Variants in ANKRD44 observed in about 807,000 individuals in gnomAD.
ANKRD44 encodes the protein serine/threonine-protein phosphatase 6 regulatory ankyrin repeat subunit B.
In ANKRD44, 35 loss-of-function variants were observed where a neutral mutation model predicts 116.0. That is an observed-to-expected ratio of 0.30 (90% confidence interval 0.23 to 0.40). The LOEUF (loss-of-function observed/expected upper bound fraction) is 0.40, where lower values mean the gene tolerates loss of function less well. ANKRD44 is among the 10% of genes least tolerant of loss of function. The pLI is 1.00. For synonymous variants in ANKRD44, 435 were observed against 461.8 expected, an observed-to-expected ratio of 0.94 and a Z score of 0.74; for missense variants, 1,014 against 1,242.6, an observed-to-expected ratio of 0.82 and a Z score of 2.77.
chr2:197,197,021 C>A (rs2080966362), intron 1 of ANKRD44, among the ~76,000 whole-genome samples: 1 of 151,998 alleles, frequency 6.6e-6, no homozygotes, highest in African/African-American at 2.4e-5. Flanking sequence ...GTTATAGCAA[C>A]CATTCTAAAA....
In ANKRD44 at chr2:197,212,649, G is replaced by A. The variant is rs140135690; in HGVS notation, c.28-25543C>T. On this transcript the variant is annotated intron_variant, in intron 1 of 27. Transcript: ENST00000282272. The surrounding 1 kb of genome is among the most constrained non-coding windows in gnomAD (Gnocchi z 4.8). ...TTTATAGGGAGTATTAACCAAAAAG[G>A]TTATTGCAGGCTCTCACAGAAGAAC... is the stretch of plus-strand genomic sequence containing the variant. Among the ~76,000 whole-genome samples, 3 of 152,286 alleles carry A rather than the reference G, an allele frequency of 2.0e-5. No homozygotes were observed. Among genetic ancestry groups the A allele is most frequent in the African/African-American group, 7.2e-5 (3 of 41,556 alleles).
At chr2:197,115,258 C>T (rs2078680577) in intron 8 of ANKRD44, among the ~76,000 whole-genome samples, 1 of 152,192 alleles carries the variant, frequency 6.6e-6, no homozygotes, top group Non-Finnish European at 1.5e-5. Flanking sequence ...AGCTCTATGT[C>T]TAGTGCCTTC....
At chr2:197,235,395 C>G (rs1054402944) in intron 1 of ANKRD44, among the ~76,000 whole-genome samples, 1 of 151,930 alleles carries the variant, frequency 6.6e-6, no homozygotes, top group African/African-American at 2.4e-5. Context: ...GGGGGCAGAT[C>G]ACTTGAGGCC....
chr2:197,053,699 T>A (rs187084372), intron 16 of ANKRD44, among the ~76,000 whole-genome samples: 1 of 152,208 alleles, frequency 6.6e-6, no homozygotes, highest in African/African-American at 2.4e-5. Context: ...GCCAGGCTGG[T>A]CATGAACTCC....
chr2:196,989,017 C>T lies in ANKRD44; in HGVS notation c.*574G>A, dbSNP rs1050534597. On this transcript the variant is annotated 3_prime_UTR_variant, in exon 28 of 28. Transcript: ENST00000282272. ...GACTGTGGCTGAGCAGTAGAAGATG[C>T]GTAGCCCTCTCTAACCAACGCGGAA... 5.1e-5 allele frequency: 50 copies of T among 985,386 alleles called. No individual in the cohort carries two copies. The highest frequency in any genetic ancestry group is 5.2e-4 in the Middle Eastern group (1 of 1,914). 61.0% of individuals were successfully genotyped at this position (985,386 alleles called of 1,614,324 possible).
chr2:197,018,506 T>C (rs1040171806), intron 17 of ANKRD44, among the ~76,000 whole-genome samples: 1 of 152,182 alleles, frequency 6.6e-6, no homozygotes, highest in Non-Finnish European at 1.5e-5. Context: ...GAGCAGCCCA[T>C]GTAACATATA....
chr2:197,091,523 AT>A (rs564726753), intron 10 of ANKRD44, among the ~76,000 whole-genome samples: 4 of 152,110 alleles, frequency 2.6e-5, no homozygotes, highest in African/African-American at 7.2e-5. Flanking sequence ...TACCCAGCTA[AT>A]TTTTTGGTGT....
chr2:197,011,886 C>T lies in ANKRD44; in HGVS notation c.1924+1625G>A, dbSNP rs117027544. Among the ~76,000 whole-genome samples, 255 of 152,314 alleles carry T rather than the reference C, an allele frequency of 1.7e-3. 8 individuals are homozygous for T. In the East Asian group the frequency reaches 0.045, roughly 27 times the overall value. On this transcript the variant is annotated intron_variant, in intron 18 of 27. Coordinates refer to ENST00000282272, the MANE Select transcript of ANKRD44 (RefSeq NM_001195144.2). ...TTGCCTTCTAGCAAAAAGATGCTAA[C>T]ATCTTTAGCTCTGCTGCCAAGTTCA...
intron 1 of ANKRD44, among the ~76,000 whole-genome samples, chr2:197,282,628 G>A (rs1347402785): frequency 6.6e-6 from 1 of 152,052 alleles, no homozygotes. Context: ...TTGAGACAGG[G>A]TCTTTCCATA....
In ANKRD44 at chr2:197,186,343, C is replaced by A. The variant is rs200860515; in HGVS notation, c.111+680G>T. ...TCAGTAACTGTAATGCTGTCACCAG[C>A]AGAAATCACAGGTATGTTCATATAA... is the stretch of plus-strand genomic sequence containing the variant. On this transcript the variant is annotated intron_variant, in intron 2 of 27. Coordinates refer to ENST00000282272, the MANE Select transcript of ANKRD44 (RefSeq NM_001195144.2). 2.0e-5 allele frequency among the ~76,000 whole-genome samples: 3 copies of A among 152,140 alleles called. No homozygotes were observed. In the East Asian group the frequency reaches 5.8e-4, roughly 29 times the overall value.
At chr2:197,292,527 C>T (rs1248470295) in intron 1 of ANKRD44, among the ~76,000 whole-genome samples, 4 of 152,176 alleles carry the variant, frequency 2.6e-5, no homozygotes, top group African/African-American at 9.7e-5. Flanking sequence ...TATAATGTTT[C>T]CATTTTAAAA....
intron 23 of ANKRD44, among the ~76,000 whole-genome samples, chr2:196,999,908 G>A (rs998793085): frequency 6.6e-6 from 1 of 152,054 alleles, no homozygotes; most frequent in Non-Finnish European, 1.5e-5. Flanking sequence ...ACACATATGA[G>A]AATGTTCACC....
At chr2:197,207,253 A>G (rs1472136959) in intron 1 of ANKRD44, among the ~76,000 whole-genome samples, 2 of 152,296 alleles carry the variant, frequency 1.3e-5, no homozygotes, top group East Asian at 3.9e-4. Context: ...AATTTATTCA[A>G]TAACTCCATT....
chr2:197,103,374 T>C (rs767190357), intron 9 of ANKRD44, among the ~76,000 whole-genome samples: 1 of 152,142 alleles, frequency 6.6e-6, no homozygotes, highest in Admixed American at 6.5e-5. Flanking sequence ...TTTTCAGATA[T>C]AGATATCTGA....
chr2:197,307,046 C>T (rs61456829), intron 1 of ANKRD44, among the ~76,000 whole-genome samples: 14,138 of 152,062 alleles, frequency 0.093, 1,424 homozygotes, highest in African/African-American at 0.25. Context: ...GCTGAAGATA[C>T]GACCACACAC....
chr2:197,265,542 C>T (rs981978146), intron 1 of ANKRD44, among the ~76,000 whole-genome samples: 3 of 152,122 alleles, frequency 2.0e-5, no homozygotes, highest in East Asian at 1.9e-4. Flanking sequence ...CCACCATGCC[C>T]GGCCAGTAAC....
intron 16 of ANKRD44, among the ~76,000 whole-genome samples, chr2:197,065,270 A>C (rs1229822800): frequency 5.3e-5 from 8 of 152,216 alleles, no homozygotes; most frequent in Non-Finnish European, 1.0e-4. Flanking sequence ...ACAAAGACAC[A>C]ACATACCAGA....
intron 1 of ANKRD44, among the ~76,000 whole-genome samples, chr2:197,193,754 C>T (rs1297079833): frequency 6.6e-6 from 1 of 151,922 alleles, no homozygotes; most frequent in Non-Finnish European, 1.5e-5. Flanking sequence ...TGGTGGCGGT[C>T]GCCCGTAGTC....
At chr2:197,285,104 T>A (rs1373802609) in intron 1 of ANKRD44, among the ~76,000 whole-genome samples, 1 of 151,572 alleles carries the variant, frequency 6.6e-6, no homozygotes, top group Non-Finnish European at 1.5e-5. Flanking sequence ...CACCCACTAG[T>A]CTCTACTTGA....
Sources: gnomAD v4.1 joint callset for allele counts (sites outside exome capture counted in the v4.1 genomes callset) on GRCh38, gnomAD v4.1.1 for gene constraint, Gnocchi (gnomAD v3.1) non-coding constraint, MANE v1.5 for transcripts, NCBI Gene and HGNC (gene_info 2026-07-23, HGNC 2026-07-21) for gene names.